Variants in SORCS2 observed in about 807,000 individuals in gnomAD.
SORCS2 encodes the protein sortilin related VPS10 domain containing receptor 2, also known as VPS10 domain-containing receptor SorCS2.
Under a neutral mutation model 141.6 loss-of-function variants are expected in SORCS2, and 100 were observed. The observed-to-expected ratio is 0.71, with a 90% CI of 0.60 to 0.83. The LOEUF is 0.83. Ranked by LOEUF, SORCS2 falls within the 40% of genes least tolerant of loss-of-function variation. The probability of loss-of-function intolerance (pLI) is 0.00; values close to 1 mark genes in which losing one functional copy is unlikely to be tolerated. For missense variants in SORCS2, 1,646 were observed against 1,560.2 expected (o/e 1.05, Z -0.93); for synonymous variants, 789 against 676.9 (o/e 1.17, Z -2.57).
intron 1 of SORCS2, among the ~76,000 whole-genome samples, chr4:7,254,654 G>GA (rs920658762): frequency 6.6e-6 from 1 of 152,052 alleles, no homozygotes; most frequent in African/African-American, 2.4e-5. Context: ...AAATAAAAAG[G>GA]AAAAAAAGAG....
intron 18 of SORCS2, among the ~76,000 whole-genome samples, chr4:7,721,449 G>C (rs901540498): frequency 1.3e-5 from 2 of 152,238 alleles, no homozygotes; most frequent in East Asian, 3.9e-4. Flanking sequence ...CTGGGCAACA[G>C]AGTGAGATCC....
intron 2 of SORCS2, among the ~76,000 whole-genome samples, chr4:7,505,994 C>T (rs1301298979): frequency 6.6e-6 from 1 of 152,258 alleles, no homozygotes; most frequent in African/African-American, 2.4e-5. Flanking sequence ...TGTGAGGAGC[C>T]CTGGCAGGGG....
At chr4:7,699,753 C>T (rs111648392) in intron 12 of SORCS2, among the ~76,000 whole-genome samples, 19,101 of 152,194 alleles carry the variant, frequency 0.13, 1,500 homozygotes, top group Middle Eastern at 0.22. Context: ...CTCCGCCACC[C>T]GCCTGGCCAT....
At chr4:7,367,535 C>T (rs1721975935) in intron 1 of SORCS2, among the ~76,000 whole-genome samples, 1 of 152,182 alleles carries the variant, frequency 6.6e-6, no homozygotes, top group South Asian at 2.1e-4. Context: ...AGCAACGGCG[C>T]CCGGGATGCA....
chr4:7,574,046 C>T (rs13143915), intron 3 of SORCS2, among the ~76,000 whole-genome samples: 37,010 of 152,288 alleles, frequency 0.24, 4,863 homozygotes, highest in Non-Finnish European at 0.31. Flanking sequence ...CCCTCCTCCT[C>T]GTTTCTCCTG....
intron 4 of SORCS2, among the ~76,000 whole-genome samples, chr4:7,640,227 C>T (rs202052405): frequency 1.4e-5 from 2 of 141,666 alleles, no homozygotes; most frequent in Admixed American, 7.1e-5. Flanking sequence ...TGTGTATGAG[C>T]GTGTGTGTGT....
intron 1 of SORCS2, among the ~76,000 whole-genome samples, chr4:7,370,587 A>G (rs61429610): frequency 2.7e-3 from 418 of 152,350 alleles, no homozygotes; most frequent in African/African-American, 9.5e-3. Context: ...AACACGCTCA[A>G]TGATCTTCCA....
At chr4:7,365,633 C>G (rs1013761867) in intron 1 of SORCS2, among the ~76,000 whole-genome samples, 1 of 152,174 alleles carries the variant, frequency 6.6e-6, no homozygotes, top group Admixed American at 6.5e-5. Context: ...AGACACCGCC[C>G]GCCTGCCCGC....
At chr4:7,422,951 T>C (rs1726183094) in intron 2 of SORCS2, among the ~76,000 whole-genome samples, 1 of 151,998 alleles carries the variant, frequency 6.6e-6, no homozygotes, top group Non-Finnish European at 1.5e-5. Context: ...GCCAGATCTC[T>C]AAAGGCCCTA....
intron 24 of SORCS2, 94 bp from the exon 25 acceptor site, chr4:7,734,178 C>T: frequency 1.7e-6 from 1 of 599,748 alleles, no homozygotes; most frequent in Non-Finnish European, 2.4e-6. Flanking sequence ...GGGGGACAGG[C>T]TGGGGACGGG....
intron 4 of SORCS2, among the ~76,000 whole-genome samples, chr4:7,639,676 A>T (rs1381656431): frequency 7.1e-6 from 1 of 140,872 alleles, no homozygotes; most frequent in Non-Finnish European, 1.5e-5. Flanking sequence ...AATGTGTGTG[A>T]GTGTGAGGGT....
intron 1 of SORCS2, among the ~76,000 whole-genome samples, chr4:7,308,756 G>C (rs571943419): frequency 2.0e-5 from 3 of 148,850 alleles, no homozygotes; most frequent in Non-Finnish European, 4.5e-5. Context: ...GCACCCTGTC[G>C]TCTCGCTCCA....
At chr4:7,266,708 G>A (rs1362217530) in intron 1 of SORCS2, among the ~76,000 whole-genome samples, 1 of 152,166 alleles carries the variant, frequency 6.6e-6, no homozygotes, top group Non-Finnish European at 1.5e-5. Flanking sequence ...CCTCCCCCAG[G>A]AGGCCCTCTC....
In SORCS2 at chr4:7,451,275, TCAGCAGCAG is replaced by T. The variant is rs1208142197; in HGVS notation, c.548+54931_548+54939del. Among the ~76,000 whole-genome samples, 8 of 152,312 alleles carry T rather than the reference TCAGCAGCAG, an allele frequency of 5.3e-5. No individual in the cohort carries two copies. In the South Asian group the frequency reaches 1.2e-3, roughly 24 times the overall value. ...TGGCCTGGGGCCTGGGCCTAGGTCT[TCAGCAGCAG>T]CAGCAGCAGCGGCAGTGGGGCCTGG... On this transcript the variant is annotated intron_variant, in intron 2 of 26. Coordinates refer to ENST00000507866, the MANE Select transcript of SORCS2 (RefSeq NM_020777.3).
At chr4:7,715,091 C>A in intron 16 of SORCS2, 92 bp from the exon 17 acceptor site, 1 of 1,553,020 alleles carries the variant, frequency 6.4e-7, no homozygotes, top group East Asian at 2.3e-5. Flanking sequence ...CATGAGGTTC[C>A]CTTCTCAGCT....
At chr4:7,216,798 T>C (rs964887019) in intron 1 of SORCS2, among the ~76,000 whole-genome samples, 1 of 152,162 alleles carries the variant, frequency 6.6e-6, no homozygotes, top group African/African-American at 2.4e-5. Flanking sequence ...GCACAGGTTC[T>C]GGGATTTGGA....
chr4:7,206,608 C>A (rs954668104), intron 1 of SORCS2, among the ~76,000 whole-genome samples: 1 of 152,156 alleles, frequency 6.6e-6, no homozygotes, highest in Non-Finnish European at 1.5e-5. Context: ...AGATTTGTTT[C>A]TTGCCTGAGA....
intron 1 of SORCS2, among the ~76,000 whole-genome samples, chr4:7,380,841 T>G (rs1722940775): frequency 6.6e-6 from 1 of 152,230 alleles, no homozygotes; most frequent in South Asian, 2.1e-4. Context: ...ATCCCAACAC[T>G]TTGGGAGGCC....
At chr4:7,546,933 C>T (rs927264920) in intron 3 of SORCS2, among the ~76,000 whole-genome samples, 4 of 152,196 alleles carry the variant, frequency 2.6e-5, no homozygotes, top group Non-Finnish European at 5.9e-5. Context: ...GTAAAAATAG[C>T]TTAAATTCCA....
Sources: allele counts gnomAD v4.1 joint callset (sites outside exome capture counted in the v4.1 genomes callset), GRCh38; gene constraint gnomAD v4.1.1; transcripts MANE v1.5; gene names NCBI Gene and HGNC (gene_info 2026-07-23, HGNC 2026-07-21).